Variants in QTGAL observed in about 807,000 individuals in gnomAD.
QTGAL encodes the protein BGnT-like protein 1.
the QTGAL span, among the ~76,000 whole-genome samples, chr17:82,966,644 A>G: frequency 1.3e-5 from 2 of 152,152 alleles, no homozygotes; most frequent in African/African-American, 4.8e-5. Flanking sequence ...CTTACAAACC[A>G]TGGCCCTCAA....
At chr17:83,035,026 G>GTTA in the QTGAL span, 6 of 1,590,266 alleles carry the variant, frequency 3.8e-6, no homozygotes, top group East Asian at 1.3e-4. Flanking sequence ...ACAAAAGAAA[G>GTTA]TTACTTACCG....
the QTGAL span, among the ~76,000 whole-genome samples, chr17:82,954,184 T>G: frequency 6.6e-6 from 1 of 152,112 alleles, no homozygotes; most frequent in East Asian, 1.9e-4. Context: ...TATTCAGATA[T>G]GAAGAGAGGA....
chr17:83,040,981 G>C, the QTGAL span, among the ~76,000 whole-genome samples: 1 of 151,804 alleles, frequency 6.6e-6, no homozygotes, highest in Admixed American at 6.6e-5. Flanking sequence ...CAGGAGAATG[G>C]CGTGAACTTG....
At chr17:83,015,941 A>C in the QTGAL span, among the ~76,000 whole-genome samples, 1 of 152,170 alleles carries the variant, frequency 6.6e-6, no homozygotes, top group African/African-American at 2.4e-5. This position sits in a 1 kb window ranked among gnomAD's most constrained non-coding sequence, Gnocchi z 4.4. Context: ...GGGACCACGG[A>C]TATAAACCAT....
At chr17:82,998,592 A>G in the QTGAL span, among the ~76,000 whole-genome samples, 125,473 of 152,086 alleles carry the variant, frequency 0.83, 52,221 homozygotes, top group African/African-American at 0.94. Flanking sequence ...TGATCCACCC[A>G]CCTTGGCCTC....
At chr17:83,014,349 C>T in the QTGAL span, 1 of 1,268,576 alleles carries the variant, frequency 7.9e-7, no homozygotes, top group South Asian at 1.4e-5. Context: ...TTGACAGTCT[C>T]ACCATAGCCT....
chr17:83,013,678 C>T, the QTGAL span, among the ~76,000 whole-genome samples: 22 of 151,920 alleles, frequency 1.4e-4, no homozygotes, highest in Admixed American at 3.3e-4. Flanking sequence ...GTGACCCAAC[C>T]GCACACGTGC....
the QTGAL span, among the ~76,000 whole-genome samples, chr17:83,000,621 T>C: frequency 1.3e-5 from 2 of 152,262 alleles, no homozygotes; most frequent in African/African-American, 2.4e-5. Context: ...CTATATATTT[T>C]ATGTACTCAT....
chr17:83,007,274 C>A, the QTGAL span: 1 of 985,352 alleles, frequency 1.0e-6, no homozygotes, highest in Non-Finnish European at 1.2e-6. Context: ...CTGGAGCCGC[C>A]GCCCTGCCCA....
chr17:82,961,259 C>T, the QTGAL span: 1 of 1,523,784 alleles, frequency 6.6e-7, no homozygotes, highest in Non-Finnish European at 8.9e-7. Flanking sequence ...TACACCTGCG[C>T]TCAGCCGGCC....
the QTGAL span, chr17:82,944,781 T>G: frequency 6.6e-6 from 1 of 152,208 alleles, no homozygotes; most frequent in African/African-American, 2.4e-5. Flanking sequence ...TGAGGGTTTC[T>G]GCTGAGCCCT....
the QTGAL span, chr17:83,006,897 C>T: frequency 3.5e-6 from 3 of 861,278 alleles, no homozygotes; most frequent in East Asian, 1.2e-4. The surrounding 1 kb of genome is among the most constrained non-coding windows in gnomAD (Gnocchi z 5.8). Flanking sequence ...TTAGTTTTTA[C>T]AGGAACTTCC....
chr17:82,991,068 T>C, the QTGAL span, among the ~76,000 whole-genome samples: 1 of 152,206 alleles, frequency 6.6e-6, no homozygotes, highest in South Asian at 2.1e-4. Flanking sequence ...ATCCAGATCG[T>C]AGATGAAAAT....
At chr17:83,050,068 A>C in the QTGAL span, among the ~76,000 whole-genome samples, 2 of 152,222 alleles carry the variant, frequency 1.3e-5, no homozygotes, top group African/African-American at 4.8e-5. Flanking sequence ...GACTTAGGTT[A>C]ATAAGAATAA....
At chr17:83,006,762 A>G in the QTGAL span, 4 of 985,340 alleles carry the variant, frequency 4.1e-6, no homozygotes, top group Admixed American at 2.5e-4. This position sits in a 1 kb window ranked among gnomAD's most constrained non-coding sequence, Gnocchi z 5.8. Flanking sequence ...TGCATGTAAC[A>G]GTAGTCAGGT....
At chr17:82,958,213 G>C in the QTGAL span, among the ~76,000 whole-genome samples, 1 of 152,230 alleles carries the variant, frequency 6.6e-6, no homozygotes, top group Middle Eastern at 3.2e-3. Flanking sequence ...CCAGAAGCTA[G>C]AGGGGCAGGG....
At chr17:83,008,962 C>T in the QTGAL span, among the ~76,000 whole-genome samples, 10 of 152,228 alleles carry the variant, frequency 6.6e-5, no homozygotes, top group South Asian at 2.1e-4. Context: ...CCCACAAAGA[C>T]GGAAACTCAG....
chr17:83,034,803 G>T, the QTGAL span, among the ~76,000 whole-genome samples: 2,041 of 152,296 alleles, frequency 0.013, 42 homozygotes, highest in African/African-American at 0.047. Flanking sequence ...ATGCGCGACT[G>T]TGAGACCTGC....
the QTGAL span, among the ~76,000 whole-genome samples, chr17:83,048,120 G>A: frequency 1.2e-4 from 18 of 152,046 alleles, no homozygotes; most frequent in African/African-American, 4.1e-4. Context: ...TCTGCCTCCC[G>A]GGTTCAAGCA....
Sources: gnomAD v4.1 joint callset for allele counts (sites outside exome capture counted in the v4.1 genomes callset) on GRCh38, gnomAD v4.1.1 for gene constraint, Gnocchi (gnomAD v3.1) non-coding constraint, MANE v1.5 for transcripts, NCBI Gene and HGNC (gene_info 2026-07-23, HGNC 2026-07-21) for gene names.